ZNF513: variants seen among roughly 807,000 people sequenced by gnomAD.
ZNF513 encodes the protein zinc finger protein 513.
In ZNF513, 16 loss-of-function variants were observed where a neutral mutation model predicts 39.7. The ratio of observed to expected loss-of-function variants is 0.40; its 90% CI spans 0.27 to 0.61. The LOEUF is 0.61. ZNF513 is among the 20% of genes least tolerant of loss of function. The pLI is 0.39. For synonymous variants in ZNF513, 348 were observed against 296.5 expected, an observed-to-expected ratio of 1.17 and a Z score of -1.79; for missense variants, 699 against 743.6, an observed-to-expected ratio of 0.94 and a Z score of 0.70.
chr2:27,379,785 T>C (rs1017145496), intron 2 of ZNF513, among the ~76,000 whole-genome samples: 1 of 152,104 alleles, frequency 6.6e-6, no homozygotes, highest in Non-Finnish European at 1.5e-5. Context: ...TCCCTGAACC[T>C]CTCTTAAAAG....
Position 27,377,340 on chromosome 2 carries a change from G to T in ZNF513, c.*205C>A. ...TTGTCCACAGCCCCTGGGGGCAGTGGAGGTGAATACAGGGCCCTTCTCACT... is the reference window on the plus strand; with the variant it reads ...TTGTCCACAGCCCCTGGGGGCAGTGTAGGTGAATACAGGGCCCTTCTCACT... On this transcript the variant is annotated 3_prime_UTR_variant, in exon 4 of 4. Transcript: ENST00000323703. The surrounding 1 kb of genome is among the most constrained non-coding windows in gnomAD (Gnocchi z 4.4). 1 of 704,280 alleles carries T rather than the reference G, an allele frequency of 1.4e-6. No homozygotes were observed. The highest frequency in any genetic ancestry group is 1.5e-5 in the South Asian group (1 of 66,634). The allele number at this position is 704,280 out of a possible 1,614,324, so 43.6% of individuals were successfully genotyped here.
chr2:27,378,448 G>A lies in ZNF513; in HGVS notation c.799+19C>T, dbSNP rs767673415. On this transcript the variant is annotated intron_variant, in intron 3 of 3. Transcript: ENST00000323703. This position sits in a 1 kb window ranked among gnomAD's most constrained non-coding sequence, Gnocchi z 8.0. ...CAGCCACCCATGTCCCAAGATCTTTGGTCCCTGGTGTGTCTTACCTTCAGG... is the reference window on the plus strand; with the variant it reads ...CAGCCACCCATGTCCCAAGATCTTTAGTCCCTGGTGTGTCTTACCTTCAGG... 1 of 1,613,922 alleles carries A rather than the reference G, an allele frequency of 6.2e-7. No individual in the cohort carries two copies. Among genetic ancestry groups the A allele is most frequent in the African/African-American group, 1.3e-5 (1 of 75,066 alleles).
chr2:27,378,572 G>C lies in ZNF513; in HGVS notation c.694C>G (p.Pro232Ala). 1 of 1,613,960 alleles carries C rather than the reference G, an allele frequency of 6.2e-7. No individual in the cohort carries two copies. The highest frequency in any genetic ancestry group is 8.5e-7 in the Non-Finnish European group (1 of 1,180,000). ...RRHQRTHAGP[P>A]TPPCPTCGFR... ...CCACAGGTCGGGCAGGGAGGAGTGGGGGGCCCTGCGTGGGTACGCTGATGC... is the reference window on the plus strand; with the variant it reads ...CCACAGGTCGGGCAGGGAGGAGTGGCGGGCCCTGCGTGGGTACGCTGATGC... The change falls in exon 3 of 4, where the codon CCC becomes GCC. Residue 232 changes from proline (P) to alanine (A), a missense_variant. Pro to Ala is a conservative substitution (Grantham distance 27, BLOSUM62 -1). Coordinates refer to ENST00000323703, the MANE Select transcript of ZNF513 (RefSeq NM_144631.6). This position sits in a 1 kb window ranked among gnomAD's most constrained non-coding sequence, Gnocchi z 8.0.
At chr2:27,379,615 C>T (rs1683530240) in intron 2 of ZNF513, among the ~76,000 whole-genome samples, 1 of 152,074 alleles carries the variant, frequency 6.6e-6, no homozygotes, top group Non-Finnish European at 1.5e-5. Flanking sequence ...GGTAGTGCAG[C>T]AAATTAGGGT....
At position 27,378,553 on chromosome 2, in the gene ZNF513, G is replaced by T. The variant is rs1683460939; in HGVS notation, c.713C>A (p.Thr238Asn). ...TGGAGTACAGCAGCGGAAGCCACAGGTCGGGCAGGGAGGAGTGGGGGGCCC... is the reference window on the plus strand; with the variant it reads ...TGGAGTACAGCAGCGGAAGCCACAGTTCGGGCAGGGAGGAGTGGGGGGCCC... The part of the protein sequence containing the change: ...HAGPPTPPCP[T>N]CGFRCCTPRP... Residue 238 changes from threonine (T) to asparagine (N), a missense_variant, in exon 3 of 4, where the codon ACC (threonine) becomes AAC (asparagine). Physicochemically the swap from Thr to Asn is moderately conservative, Grantham distance 65 (BLOSUM62 0). This residue lies in a region of ZNF513 where 530 missense variants were observed against 499.3 expected (regional missense o/e 1.06). Transcript: ENST00000323703. This position sits in a 1 kb window ranked among gnomAD's most constrained non-coding sequence, Gnocchi z 8.0. 1 of 1,614,048 alleles carries T rather than the reference G, an allele frequency of 6.2e-7. No homozygotes were observed. The highest frequency in any genetic ancestry group is 8.5e-7 in the Non-Finnish European group (1 of 1,180,020).
chr2:27,380,108 C>G lies in ZNF513; in HGVS notation c.196G>C (p.Glu66Gln), dbSNP rs1186752543. 5.6e-6 allele frequency: 9 copies of G among 1,614,158 alleles called. No individual in the cohort carries two copies. The highest frequency in any genetic ancestry group is 7.6e-6 in the Non-Finnish European group (9 of 1,180,022). The change falls in exon 2 of 4, where the codon GAG becomes CAG. Residue 66 changes from glutamate (E) to glutamine (Q), a missense_variant. This residue lies in a region of ZNF513 where 530 missense variants were observed against 499.3 expected (regional missense o/e 1.06). Coordinates refer to ENST00000323703, the MANE Select transcript of ZNF513 (RefSeq NM_144631.6). Reference sequence around the variant, plus strand: ...GAAAACCCACCTTCCGAGTCTCTCTCGAAGCCCATGAGCTGGTCACTGTTG... The same window carrying G: ...GAAAACCCACCTTCCGAGTCTCTCTGGAAGCCCATGAGCTGGTCACTGTTG... ...DGNSDQLMGF[E>Q]RDSEGDSLGA...
chr2:27,379,955 T>TG (rs1683545985), intron 2 of ZNF513, 138 bp downstream of exon 2: 4 of 1,165,978 alleles, frequency 3.4e-6, no homozygotes, highest in East Asian at 2.3e-5. Flanking sequence ...ATTAAACAAA[T>TG]GAAGTCATCT....
In ZNF513 at chr2:27,377,458, T is replaced by G. The variant is rs1303555334; in HGVS notation, c.*87A>C. ...TGGGCTGGTCCTTATAGTGCCTACG[T>G]TAGTCTGTGTGGAGCCCCTGGCCAG... On this transcript the variant is annotated 3_prime_UTR_variant, in exon 4 of 4. Transcript: ENST00000323703. The surrounding 1 kb of genome is among the most constrained non-coding windows in gnomAD (Gnocchi z 4.4). The G allele has an allele frequency of 2.8e-6, 4 of 1,434,396 alleles. No individual in the cohort carries two copies. The highest frequency in any genetic ancestry group is 1.7e-5 in the Admixed American group (1 of 57,238). The allele number at this position is 1,434,396 out of a possible 1,614,324, so 88.9% of individuals were successfully genotyped here. A position where few individuals can be genotyped will look rare whatever the true frequency, so the allele number is the denominator to read the frequency against.
Position 27,380,506 on chromosome 2 carries a change from G to C in ZNF513, c.21C>G (p.Ser7Arg). The change falls in exon 1 of 4, where the codon AGC becomes AGG. Residue 7 changes from serine (S) to arginine (R), a missense_variant. By Grantham distance (110) the Ser-to-Arg change is moderately radical (BLOSUM62 -1). Transcript: ENST00000323703. ...CCTCGCATTTCACGGGCTGCGGGTGGCTTTGCTTCCTTCGGGGCATCGTGA... is the reference window on the plus strand; with the variant it reads ...CCTCGCATTTCACGGGCTGCGGGTGCCTTTGCTTCCTTCGGGGCATCGTGA... Reference protein sequence around the residue: MPRRKQSHPQPVKCEGV... With the variant: MPRRKQRHPQPVKCEGV... 6.3e-7 allele frequency: 1 copy of C among 1,583,858 alleles called. No homozygotes were observed. The highest frequency in any genetic ancestry group is 8.7e-7 in the Non-Finnish European group (1 of 1,155,914).
intron 2 of ZNF513, among the ~76,000 whole-genome samples, chr2:27,379,260 C>T (rs560143652): frequency 6.6e-6 from 1 of 152,288 alleles, no homozygotes; most frequent in South Asian, 2.1e-4. Flanking sequence ...CTGGACTAAT[C>T]TAGTGATGGT....
Position 27,377,573 on chromosome 2 carries a change from C to G in ZNF513, c.1598G>C (p.Ser533Thr). The G allele has an allele frequency of 6.2e-7, 1 of 1,614,084 alleles. No homozygotes were observed. Among genetic ancestry groups the G allele is most frequent in the Non-Finnish European group, 8.5e-7 (1 of 1,180,030 alleles). The change falls in exon 4 of 4, where the codon AGC becomes ACC. Residue 533 changes from serine (S) to threonine (T), a missense_variant. This residue lies in a region of ZNF513 where 71 missense variants were observed against 64.1 expected (regional missense o/e 1.11). Transcript: ENST00000323703. This position sits in a 1 kb window ranked among gnomAD's most constrained non-coding sequence, Gnocchi z 4.4. ...RGPPALGTAG[S>T]RAVHTDSS is the part of the protein sequence containing the mutation. ...GGATGAGTCTGTGTGGACAGCCCGG[C>G]TGCCAGCAGTCCCCAGGGCTGGTGG...
intron 2 of ZNF513, among the ~76,000 whole-genome samples, chr2:27,379,279 C>T (rs916950852): frequency 6.6e-6 from 1 of 152,104 alleles, no homozygotes; most frequent in Non-Finnish European, 1.5e-5. Context: ...GTAGAATTGA[C>T]CTGTATCTAG....
In ZNF513 at chr2:27,379,030, C is replaced by T. The variant is rs1298964155; in HGVS notation, c.236G>A (p.Gly79Glu). 6 of 1,612,988 alleles carry T rather than the reference C, an allele frequency of 3.7e-6. No homozygotes were observed. The highest frequency in any genetic ancestry group is 5.1e-6 in the Non-Finnish European group (6 of 1,179,968). Residue 79 changes from glycine (G) to glutamate (E), a missense_variant, in exon 3 of 4, where the codon GGG (glycine) becomes GAG (glutamate). Coordinates refer to ENST00000323703, the MANE Select transcript of ZNF513 (RefSeq NM_144631.6). ...SEGDSLGARP[G>E]LPYGLSDDES... ...ATCGTCGCTCAGCCCATAGGGAAGC[C>T]CAGGCCTGGCCCCCAGAGAGTCTCC...
rs1305040635 is a variant in ZNF513 at position 27,380,646 on chromosome 2, G to A, written c.-120C>T. 20 of 1,397,250 alleles carry A rather than the reference G, an allele frequency of 1.4e-5. No individual in the cohort carries two copies. Among genetic ancestry groups the A allele is most frequent in the Middle Eastern group, 2.7e-4 (1 of 3,736 alleles). The allele number at this position is 1,397,250 out of a possible 1,614,324, so 86.6% of individuals were successfully genotyped here. On this transcript the variant is annotated 5_prime_UTR_variant, in exon 1 of 4. Coordinates refer to ENST00000323703, the MANE Select transcript of ZNF513 (RefSeq NM_144631.6). The stretch of plus-strand genomic sequence containing the variant: ...CCGCGGGCCGCCCCCATGCAGCGGC[G>A]CGGGCCCTGGGCAGCCCCCGGCCCT...
Position 27,377,455 on chromosome 2 carries a change from ACG to A in ZNF513, c.*88_*89del. 2 of 1,417,454 alleles carry A rather than the reference ACG, an allele frequency of 1.4e-6. No individual in the cohort carries two copies. Among genetic ancestry groups the A allele is most frequent in the South Asian group, 2.3e-5 (2 of 85,840 alleles). 87.8% of individuals were successfully genotyped at this position (1,417,454 alleles called of 1,614,324 possible). On this transcript the variant is annotated 3_prime_UTR_variant, in exon 4 of 4. Transcript: ENST00000323703. This position sits in a 1 kb window ranked among gnomAD's most constrained non-coding sequence, Gnocchi z 4.4. ...GGTTGGGCTGGTCCTTATAGTGCCT[ACG>A]TTAGTCTGTGTGGAGCCCCTGGCCA...
chr2:27,377,254 T>C lies in ZNF513; in HGVS notation c.*291A>G. On this transcript the variant is annotated 3_prime_UTR_variant, in exon 4 of 4. Coordinates refer to ENST00000323703, the MANE Select transcript of ZNF513 (RefSeq NM_144631.6). This position sits in a 1 kb window ranked among gnomAD's most constrained non-coding sequence, Gnocchi z 4.4. ...CATGGCTTTGTTAGTGTTTCCTTTA[T>C]TATAAAGCACTGAAATAAGTTAAAT... 1 of 570,592 alleles carries C rather than the reference T, an allele frequency of 1.8e-6. No homozygotes were observed. The allele number at this position is 570,592 out of a possible 1,614,324, so 35.3% of individuals were successfully genotyped here.
rs1683398732 is a variant in ZNF513 at position 27,377,705 on chromosome 2, C to G, written c.1466G>C (p.Arg489Pro). Residue 489 changes from arginine to proline, a missense_variant, in exon 4 of 4, where the codon CGC becomes CCC. Around this residue, in one of 3 missense-constraint regions of ZNF513, gnomAD observed 98 missense variants for 180.2 expected, o/e 0.54. Coordinates refer to ENST00000323703, the MANE Select transcript of ZNF513 (RefSeq NM_144631.6). The surrounding 1 kb of genome is among the most constrained non-coding windows in gnomAD (Gnocchi z 4.4). Reference sequence around the variant, plus strand: ...ACCGTGGCCATGCACCTTCTGGTGGCGCTTGTAGTTGTCCCAGTGGCCCGT... The same window carrying G: ...ACCGTGGCCATGCACCTTCTGGTGGGGCTTGTAGTTGTCCCAGTGGCCCGT... ...YTTGHWDNYK[R>P]HQKVHGHGGA... 1 of 1,614,214 alleles carries G rather than the reference C, an allele frequency of 6.2e-7. No homozygotes were observed. The highest frequency in any genetic ancestry group is 8.5e-7 in the Non-Finnish European group (1 of 1,180,034).
At position 27,380,121 on chromosome 2, in the gene ZNF513, C is replaced by G. The variant is rs773816811; in HGVS notation, c.183G>C (p.Gln61His). 9 of 1,614,058 alleles carry G rather than the reference C, an allele frequency of 5.6e-6. No homozygotes were observed. Among genetic ancestry groups the G allele is most frequent in the Non-Finnish European group, 7.6e-6 (9 of 1,180,028 alleles). Reference protein sequence around the residue: ...EEEEGDGNSDQLMGFERDSEG... With the variant: ...EEEEGDGNSDHLMGFERDSEG... ...CCGAGTCTCTCTCGAAGCCCATGAG[C>G]TGGTCACTGTTGCCGTCGCCTTCCT... Residue 61 changes from glutamine to histidine, a missense_variant, in exon 2 of 4, where the codon CAG becomes CAC. Gln to His is a conservative substitution (Grantham distance 24). Transcript: ENST00000323703.
At chr2:27,379,129 GGTC>G in intron 2 of ZNF513, 75 bp from the exon 3 acceptor site, 9 of 1,446,588 alleles carry the variant, frequency 6.2e-6, no homozygotes, top group Non-Finnish European at 8.6e-6. Flanking sequence ...TTTCACTTAT[GGTC>G]TCCCCACTTG....
Sources: allele counts gnomAD v4.1 joint callset (sites outside exome capture counted in the v4.1 genomes callset), GRCh38; gene constraint gnomAD v4.1.1; regional missense constraint gnomAD v4.1.1; non-coding constraint Gnocchi (gnomAD v3.1); transcripts MANE v1.5; gene names NCBI Gene and HGNC (gene_info 2026-07-23, HGNC 2026-07-21).